The following USP40 variants were observed in gnomAD, a reference collection of about 807,000 sequenced individuals.
USP40 encodes ubiquitin specific peptidase 40.
Under a neutral mutation model 166.2 loss-of-function variants are expected in USP40, and 143 were observed. The ratio of observed to expected loss-of-function variants is 0.86; its 90% CI spans 0.75 to 0.99. The LOEUF is 0.99. USP40 is among the 50% of genes least tolerant of loss of function. The pLI is 0.00. For missense variants in USP40, 1,444 were observed against 1,479.7 expected (o/e 0.98, Z 0.40); for synonymous variants, 498 against 524.0 (o/e 0.95, Z 0.68).
In USP40 at chr2:233,494,677, G is replaced by A. The variant is rs117005549; in HGVS notation, c.2791-1126C>T. On this transcript the variant is annotated intron_variant, in intron 24 of 31. Transcript: ENST00000678225. ...AGCCCAGGAGTTCAAGATCAGTGTG[G>A]GCAACAAAGCAAGACAAAAATAAAA... Among the ~76,000 whole-genome samples the A allele has an allele frequency of 3.9e-4, 59 of 151,166 alleles. No homozygotes were observed. The East Asian group carries it at 0.011, about 28-fold the overall frequency.
Position 233,562,430 on chromosome 2 carries a change from T to C in USP40, c.267+306A>G, listed in dbSNP as rs376815690. ...GTCCTTTGTAGGGACATGGATGAAA[T>C]TGGAAATCATCATTCTCAGTAAACT... On this transcript the variant is annotated intron_variant, in intron 3 of 31. Transcript: ENST00000678225. Among the ~76,000 whole-genome samples the C allele has an allele frequency of 5.9e-3, 883 of 150,660 alleles. 19 individuals are homozygous for C. In the East Asian group the frequency reaches 0.08, roughly 14 times the overall value.
chr2:233,510,409 T>TC (rs1367817806), intron 20 of USP40, among the ~76,000 whole-genome samples: 2 of 139,190 alleles, frequency 1.4e-5, no homozygotes, highest in African/African-American at 5.4e-5. Context: ...TTTTTTTTTT[T>TC]TTTTTTTTTT....
chr2:233,517,386 G>T (rs73121133), intron 18 of USP40, among the ~76,000 whole-genome samples: 26,145 of 132,178 alleles, frequency 0.2, 2,574 homozygotes, highest in Non-Finnish European at 0.21. Context: ...ATGGTTTTTT[G>T]TTTTTTTTTT....
chr2:233,565,499 C>T lies in USP40; in HGVS notation c.56G>A (p.Gly19Glu), dbSNP rs1374369013. ...EYSTVSNNQY[G>E]KGKKLKTKAL... is the part of the protein sequence containing the mutation. ...TTTAGTCTTTAATTTCTTCCCTTTT[C>T]CATACTGATTATTAGACACAGTGGA... Residue 19 changes from glycine to glutamate, a missense_variant, in exon 2 of 32, where the codon GGA becomes GAA. Gly to Glu is a moderately conservative substitution (Grantham distance 98, BLOSUM62 -2). Transcript: ENST00000678225. The T allele has an allele frequency of 6.5e-7, 1 of 1,537,126 alleles. No individual in the cohort carries two copies.
chr2:233,481,181 C>G, intron 31 of USP40, 22 bp downstream of exon 31: 19 of 1,571,608 alleles, frequency 1.2e-5, no homozygotes, highest in Non-Finnish European at 1.5e-5. Flanking sequence ...AGCTGCACAT[C>G]TGTGCAGACC....
At chr2:233,477,595 AT>A (rs1352142190) in intron 31 of USP40, 92 bp from the exon 32 acceptor site, 11 of 1,075,350 alleles carry the variant, frequency 1.0e-5, no homozygotes, top group Non-Finnish European at 1.2e-5. Context: ...CTCCAATTTT[AT>A]AGGCCACAAG....
At chr2:233,541,195 G>A (rs1244495866) in intron 9 of USP40, among the ~76,000 whole-genome samples, 5 of 152,260 alleles carry the variant, frequency 3.3e-5, no homozygotes, top group South Asian at 2.1e-4. Flanking sequence ...GAGATGTAGC[G>A]GTGACAGACT....
chr2:233,557,213 T>C (rs2071175378), intron 4 of USP40, among the ~76,000 whole-genome samples, 194 bp from the exon 5 acceptor site: 1 of 152,156 alleles, frequency 6.6e-6, no homozygotes, highest in African/African-American at 2.4e-5. Context: ...AAAATGAAAA[T>C]ATGAACAGGC....
In USP40 at chr2:233,524,425, C is replaced by T. The variant is rs866227666; in HGVS notation, c.1881+67G>A. 1.0e-5 allele frequency: 14 copies of T among 1,398,064 alleles called. No individual in the cohort carries two copies. The African/African-American group carries it at 1.0e-4, about 10-fold the overall frequency. 86.6% of individuals were successfully genotyped at this position (1,398,064 alleles called of 1,614,324 possible). A position where few individuals can be genotyped will look rare whatever the true frequency, so the allele number is the denominator to read the frequency against. On this transcript the variant is annotated intron_variant, in intron 15 of 31. Transcript: ENST00000678225. Reference sequence around the variant, plus strand: ...GATTACAGGCATGAGCCACCATGCCCGGCCATTACGATGACTTTTAAAACA... The same window carrying T: ...GATTACAGGCATGAGCCACCATGCCTGGCCATTACGATGACTTTTAAAACA...
At position 233,486,279 on chromosome 2, in the gene USP40, T is replaced by C. The variant is rs546885860; in HGVS notation, c.3198-302A>G. Among the ~76,000 whole-genome samples the C allele has an allele frequency of 6.9e-4, 105 of 152,176 alleles. No homozygotes were observed. The Middle Eastern group carries it at 0.014, about 20-fold the overall frequency. ...GAGGTGGCGGCCTGAGCAGGTACGATGTGGCAGAGAGGGACAGGGTGAGAG... is the reference window on the plus strand; with the variant it reads ...GAGGTGGCGGCCTGAGCAGGTACGACGTGGCAGAGAGGGACAGGGTGAGAG... On this transcript the variant is annotated intron_variant, in intron 28 of 31. Transcript: ENST00000678225. The surrounding 1 kb of genome is among the most constrained non-coding windows in gnomAD (Gnocchi z 4.0).
intron 10 of USP40, 77 bp downstream of exon 10, chr2:233,540,577 ATCCTTCTG>A: frequency 1.3e-6 from 1 of 770,148 alleles, no homozygotes; most frequent in East Asian, 2.6e-5. Flanking sequence ...TATTTTAAAT[ATCCTTCTG>A]CAAAGGAATT....
At chr2:233,554,927 A>T (rs560083297) in intron 5 of USP40, among the ~76,000 whole-genome samples, 33 of 152,194 alleles carry the variant, frequency 2.2e-4, no homozygotes, top group African/African-American at 7.7e-4. Context: ...CCATTTCTTT[A>T]TTTTCTTTTG....
chr2:233,499,240 ATAAG>A (rs1297454240), intron 22 of USP40, among the ~76,000 whole-genome samples: 1 of 135,358 alleles, frequency 7.4e-6, no homozygotes, highest in Non-Finnish European at 1.5e-5. Flanking sequence ...GCTCCCACTT[ATAAG>A]TAAGAACATG....
intron 26 of USP40, 57 bp from the exon 27 acceptor site, chr2:233,489,540 A>G: frequency 7.2e-7 from 1 of 1,396,484 alleles, no homozygotes; most frequent in Non-Finnish European, 9.7e-7. Context: ...TTCAAAACAT[A>G]CTGTTTTAGA....
At chr2:233,553,362 A>AT (rs2070758540) in intron 6 of USP40, among the ~76,000 whole-genome samples, 1 of 152,146 alleles carries the variant, frequency 6.6e-6, no homozygotes, top group African/African-American at 2.4e-5. Flanking sequence ...CCCACAAAAC[A>AT]TTTTTTAAAA....
intron 16 of USP40, among the ~76,000 whole-genome samples, chr2:233,522,767 A>G (rs1287111252): frequency 6.6e-6 from 1 of 152,220 alleles, no homozygotes; most frequent in Non-Finnish European, 1.5e-5. Flanking sequence ...TCCTGAAACA[A>G]AATATCCAGA....
At chr2:233,478,301 G>C (rs1222467885) in intron 31 of USP40, among the ~76,000 whole-genome samples, 2 of 151,976 alleles carry the variant, frequency 1.3e-5, no homozygotes, top group Non-Finnish European at 2.9e-5. Flanking sequence ...CCCACACACA[G>C]GGGATGAGAG....
At chr2:233,559,991 C>A in intron 3 of USP40, 67 bp from the exon 4 acceptor site, 1 of 1,124,934 alleles carries the variant, frequency 8.9e-7, no homozygotes, top group South Asian at 1.6e-5. Flanking sequence ...TTGAAAACAA[C>A]TGCATACTAG....
At position 233,547,990 on chromosome 2, in the gene USP40, T is replaced by C. The variant is rs111488052; in HGVS notation, c.966+1111A>G. On this transcript the variant is annotated intron_variant, in intron 8 of 31. Transcript: ENST00000678225. ...AAGACTTATTACAAAGCTATGGAAA[T>C]TGACAATGTGGTATTTGCCCAGGAA... is the stretch of plus-strand genomic sequence containing the variant. Among the ~76,000 whole-genome samples the C allele has an allele frequency of 7.0e-3, 1,058 of 152,086 alleles. 10 individuals carry two copies. Among genetic ancestry groups the C allele is most frequent in the African/African-American group, 0.024 (984 of 41,486 alleles).
Sources: gnomAD v4.1 joint callset for allele counts (sites outside exome capture counted in the v4.1 genomes callset) on GRCh38, gnomAD v4.1.1 for gene constraint, Gnocchi (gnomAD v3.1) non-coding constraint, MANE v1.5 for transcripts, NCBI Gene and HGNC (gene_info 2026-07-23, HGNC 2026-07-21) for gene names.